Variants in ANO3 observed in about 807,000 individuals in gnomAD.
ANO3 encodes anoctamin-3.
A neutral mutation model predicts 144.8 loss-of-function variants in ANO3; 99 were observed. The ratio of observed to expected loss-of-function variants is 0.68; its 90% CI spans 0.58 to 0.81. The LOEUF (loss-of-function observed/expected upper bound fraction) is 0.81. Among genes scored for constraint, ANO3 ranks in the 30% least tolerant of loss-of-function variants. The probability of loss-of-function intolerance (pLI) is 0.00; values close to 1 mark genes in which losing one functional copy is unlikely to be tolerated. For missense variants in ANO3, 905 were observed against 1,202.2 expected (o/e 0.75, Z 3.66); for synonymous variants, 414 against 392.6 (o/e 1.05, Z -0.64).
intron 8 of ANO3, among the ~76,000 whole-genome samples, chr11:26,534,191 A>G (rs1849445064): frequency 6.6e-6 from 1 of 152,248 alleles, no homozygotes; most frequent in Non-Finnish European, 1.5e-5. Flanking sequence ...AATGTATGGG[A>G]GCCAATGGGC....
chr11:26,289,659 ATG>A (rs1361872446), intron 1 of ANO3, among the ~76,000 whole-genome samples: 33 of 90,578 alleles, frequency 3.6e-4, no homozygotes, highest in African/African-American at 9.9e-4. Flanking sequence ...TATATTCTAT[ATG>A]TGTGTATATG....
At chr11:26,283,571 C>T (rs1853733743) in intron 1 of ANO3, among the ~76,000 whole-genome samples, 1 of 151,820 alleles carries the variant, frequency 6.6e-6, no homozygotes, top group African/African-American at 2.4e-5. Context: ...AGAGCACATA[C>T]TTTGCTGGAA....
At chr11:26,323,976 CA>C (rs1270705756) in intron 1 of ANO3, among the ~76,000 whole-genome samples, 7 of 152,174 alleles carry the variant, frequency 4.6e-5, no homozygotes, top group Non-Finnish European at 8.8e-5. Flanking sequence ...GCACATGCTC[CA>C]TCTCCAGAGA....
intron 3 of ANO3, among the ~76,000 whole-genome samples, chr11:26,457,284 A>T (rs993549651): frequency 6.6e-6 from 1 of 151,548 alleles, no homozygotes; most frequent in Non-Finnish European, 1.5e-5. Context: ...TAGAACTTAT[A>T]GTATAATAAA....
At chr11:26,650,101 G>T (rs1218057614) in intron 24 of ANO3, among the ~76,000 whole-genome samples, 2 of 151,922 alleles carry the variant, frequency 1.3e-5, no homozygotes, top group African/African-American at 4.9e-5. Context: ...CTAATTTCAA[G>T]CAAAGATGTG....
At chr11:26,438,766 A>C (rs1229166343) in intron 1 of ANO3, among the ~76,000 whole-genome samples, 1 of 148,872 alleles carries the variant, frequency 6.7e-6, no homozygotes, top group South Asian at 2.2e-4. Context: ...GAACAAGAGC[A>C]AAACTCTGTC....
At chr11:26,216,622 T>G (rs962347814) in intron 1 of ANO3, among the ~76,000 whole-genome samples, 3 of 152,006 alleles carry the variant, frequency 2.0e-5, no homozygotes, top group Non-Finnish European at 4.4e-5. Flanking sequence ...AAAATCAGTG[T>G]GAGAATTTCC....
intron 3 of ANO3, among the ~76,000 whole-genome samples, chr11:26,449,916 G>A (rs1034654479): frequency 9.2e-5 from 14 of 151,824 alleles, no homozygotes; most frequent in South Asian, 6.2e-4. Flanking sequence ...CACCACATCC[G>A]GCTAATTTTT....
At chr11:26,237,950 GTCTT>G (rs1427309116) in intron 1 of ANO3, among the ~76,000 whole-genome samples, 4 of 152,094 alleles carry the variant, frequency 2.6e-5, no homozygotes, top group African/African-American at 4.8e-5. Context: ...AAAATAAAGA[GTCTT>G]TATCTTGTAT....
Position 26,586,563 on chromosome 11 carries a change from C to T in ANO3, c.1448-11802C>T, listed in dbSNP as rs1166825861. Among the ~76,000 whole-genome samples, 30 of 125,698 alleles carry T rather than the reference C, an allele frequency of 2.4e-4. No homozygotes were observed. The Admixed American group carries it at 2.8e-3, about 12-fold the overall frequency. The allele number at this position is 125,698 out of a possible 152,430, so 82.5% of individuals were successfully genotyped here. A position where few individuals can be genotyped will look rare whatever the true frequency, so the allele number is the denominator to read the frequency against. On this transcript the variant is annotated intron_variant, in intron 14 of 26. Transcript: ENST00000256737. ...CTATCGCCAGGCTGGAGTGCAGTGG[C>T]GCGATCTCGGCTCACCGCAAGCTCC...
chr11:26,657,014 G>A (rs886435852), intron 26 of ANO3, among the ~76,000 whole-genome samples: 2 of 152,030 alleles, frequency 1.3e-5, no homozygotes, highest in African/African-American at 2.4e-5. Flanking sequence ...AAGAAATTTG[G>A]CAGAAGCTAT....
chr11:26,601,266 C>T (rs1275889608), intron 17 of ANO3, among the ~76,000 whole-genome samples: 1 of 152,118 alleles, frequency 6.6e-6, no homozygotes, highest in Non-Finnish European at 1.5e-5. Flanking sequence ...GTGATTGATA[C>T]TCATGTTACT....
At chr11:26,369,558 A>G (rs898497510) in intron 1 of ANO3, among the ~76,000 whole-genome samples, 1 of 152,136 alleles carries the variant, frequency 6.6e-6, no homozygotes, top group African/African-American at 2.4e-5. Context: ...TCAATTATCA[A>G]GTTTTTCCCT....
intron 1 of ANO3, among the ~76,000 whole-genome samples, chr11:26,226,865 C>T (rs1166020469): frequency 6.6e-6 from 1 of 152,068 alleles, no homozygotes; most frequent in East Asian, 1.9e-4. Context: ...TGTTGTACAG[C>T]CATCACCATC....
intron 26 of ANO3, among the ~76,000 whole-genome samples, chr11:26,657,248 CA>C (rs999268996): frequency 3.3e-5 from 5 of 152,082 alleles, no homozygotes; most frequent in African/African-American, 4.8e-5. Context: ...AACTGATCTC[CA>C]AAAAGTACTT....
intron 7 of ANO3, 82 bp from the exon 8 acceptor site, chr11:26,531,123 G>A: frequency 6.7e-7 from 1 of 1,487,982 alleles, no homozygotes; most frequent in Admixed American, 1.8e-5. Flanking sequence ...AGTTTCTTTA[G>A]TACTTAAGTG....
At chr11:26,486,644 C>T (rs1406728810) in intron 4 of ANO3, among the ~76,000 whole-genome samples, 1 of 152,000 alleles carries the variant, frequency 6.6e-6, no homozygotes, top group Non-Finnish European at 1.5e-5. Context: ...GATTTCTTAC[C>T]CTGACATGAG....
chr11:26,214,726 C>T (rs572305179), intron 1 of ANO3, among the ~76,000 whole-genome samples: 2 of 152,070 alleles, frequency 1.3e-5, no homozygotes, highest in East Asian at 3.9e-4. Flanking sequence ...AGGCATTTTA[C>T]ATTCAATGAA....
chr11:26,404,144 T>C (rs1396207570), intron 1 of ANO3, among the ~76,000 whole-genome samples: 2 of 151,902 alleles, frequency 1.3e-5, no homozygotes, highest in Non-Finnish European at 2.9e-5. Context: ...ATCCTCTTGA[T>C]ACGATAGGAT....
Sources: allele counts gnomAD v4.1 joint callset (sites outside exome capture counted in the v4.1 genomes callset), GRCh38; gene constraint gnomAD v4.1.1; transcripts MANE v1.5; gene names NCBI Gene and HGNC (gene_info 2026-07-23, HGNC 2026-07-21).